CACNA1C: variants seen among roughly 807,000 people sequenced by gnomAD.
CACNA1C encodes voltage-dependent L-type calcium channel subunit alpha-1C.
CACNA1C carries 30 observed loss-of-function variants against 229.0 expected under a neutral mutation model. The observed-to-expected ratio is 0.13, with a 90% CI of 0.10 to 0.18. The LOEUF is 0.18. Among genes scored for constraint, CACNA1C ranks in the 10% least tolerant of loss-of-function variants. The pLI, the probability that CACNA1C is intolerant of heterozygous loss-of-function variation, is 1.00. For synonymous variants in CACNA1C, 1,114 were observed against 1,132.5 expected (o/e 0.98, Z 0.33); for missense variants, 1,658 against 2,845.0 (o/e 0.58, Z 9.49).
rs1050462207 is a variant in CACNA1C at position 2,053,935 on chromosome 12, T to C, written c.49+324T>C. Among the ~76,000 whole-genome samples the C allele has an allele frequency of 1.1e-4, 16 of 149,828 alleles. No individual in the cohort carries two copies. Among genetic ancestry groups the C allele is most frequent in the Non-Finnish European group, 1.8e-4 (12 of 67,250 alleles). ...GCCGCCTCGCTTTCTCGCGTCCGCC[T>C]GGAGAGCCCGGCTGCCTGGCCAGCC... On this transcript the variant is annotated intron_variant, in intron 1 of 46. Transcript: ENST00000399655. This position sits in a 1 kb window ranked among gnomAD's most constrained non-coding sequence, Gnocchi z 5.8.
intron 3 of CACNA1C, among the ~76,000 whole-genome samples, chr12:2,307,174 G>A (rs1252028825): frequency 6.6e-6 from 1 of 152,180 alleles, no homozygotes; most frequent in South Asian, 2.1e-4. Context: ...TGACCTGGAC[G>A]TTAGGTCATT....
intron 1 of CACNA1C, among the ~76,000 whole-genome samples, chr12:1,986,951 G>A (rs2037971012): frequency 6.6e-6 from 1 of 152,114 alleles, no homozygotes. Flanking sequence ...GCTATGGGGG[G>A]TTATGAAACA....
At chr12:2,365,687 C>T (rs1487224051) in intron 3 of CACNA1C, among the ~76,000 whole-genome samples, 4 of 144,286 alleles carry the variant, frequency 2.8e-5, no homozygotes, top group African/African-American at 9.7e-5. Context: ...AAAATCCATG[C>T]TGGTTTTTAA....
At chr12:2,422,377 C>G (rs1393030827) in intron 3 of CACNA1C, among the ~76,000 whole-genome samples, 2 of 152,084 alleles carry the variant, frequency 1.3e-5, no homozygotes, top group Non-Finnish European at 2.9e-5. Flanking sequence ...CCAAGCTGAG[C>G]CTTCGTCCTT....
At chr12:2,391,815 A>G (rs1443086569) in intron 3 of CACNA1C, among the ~76,000 whole-genome samples, 1 of 152,264 alleles carries the variant, frequency 6.6e-6, no homozygotes, top group Admixed American at 6.5e-5. Flanking sequence ...ACTAGCCACT[A>G]ACCAAGTGTG....
intron 3 of CACNA1C, among the ~76,000 whole-genome samples, chr12:2,429,220 G>A (rs1351035908): frequency 1.3e-5 from 2 of 152,050 alleles, no homozygotes; most frequent in Non-Finnish European, 2.9e-5. Flanking sequence ...CAAACTCCAG[G>A]ATGACCTCAT....
At chr12:2,235,407 G>C (rs1020032958) in intron 3 of CACNA1C, among the ~76,000 whole-genome samples, 1 of 152,172 alleles carries the variant, frequency 6.6e-6, no homozygotes, top group East Asian at 1.9e-4. Context: ...ACCCTGATGT[G>C]GCAGGACGAG....
intron 3 of CACNA1C, among the ~76,000 whole-genome samples, chr12:2,129,028 C>T (rs959455992): frequency 4.6e-5 from 7 of 152,182 alleles, no homozygotes; most frequent in Non-Finnish European, 1.0e-4. Context: ...TAAGGTGCTC[C>T]GTGAGTCCCT....
chr12:2,328,977 C>T (rs767434324), intron 3 of CACNA1C, among the ~76,000 whole-genome samples: 1 of 152,148 alleles, frequency 6.6e-6, no homozygotes, highest in Non-Finnish European at 1.5e-5. Flanking sequence ...CTTGTTGTCA[C>T]CCTTGTTCTA....
rs145675982 is a variant in CACNA1C at position 2,090,310 on chromosome 12, CTTTTT to C, written c.50-24893_50-24889del. 4.3e-5 allele frequency among the ~76,000 whole-genome samples: 3 copies of C among 69,198 alleles called. No individual in the cohort carries two copies. The South Asian group carries it at 2.0e-3, about 46-fold the overall frequency. 45.4% of individuals were successfully genotyped at this position (69,198 alleles called of 152,430 possible). On this transcript the variant is annotated intron_variant, in intron 1 of 46. Transcript: ENST00000399655. The stretch of plus-strand genomic sequence containing the variant: ...AATAGTCCATTTTATGGATAGACTA[CTTTTT>C]TTTTTTTTTTTTTTTTTTTTGAGAT...
At chr12:2,058,151 A>T (rs1387773665) in intron 1 of CACNA1C, among the ~76,000 whole-genome samples, 1 of 152,092 alleles carries the variant, frequency 6.6e-6, no homozygotes, top group Admixed American at 6.5e-5. Context: ...TTGTGTGGCA[A>T]GTTCCATGAG....
At chr12:2,171,842 A>G (rs1338328364) in intron 3 of CACNA1C, among the ~76,000 whole-genome samples, 1 of 152,154 alleles carries the variant, frequency 6.6e-6, no homozygotes, top group Non-Finnish European at 1.5e-5. Flanking sequence ...TCCCCGAGGG[A>G]ATTCCACTTG....
intron 3 of CACNA1C, among the ~76,000 whole-genome samples, chr12:2,385,678 T>A (rs1471671133): frequency 6.6e-6 from 1 of 152,224 alleles, no homozygotes; most frequent in Non-Finnish European, 1.5e-5. Context: ...CTGGTAAAAT[T>A]GCTTCTGTTT....
At chr12:2,304,609 C>G (rs1350920452) in intron 3 of CACNA1C, among the ~76,000 whole-genome samples, 1 of 151,864 alleles carries the variant, frequency 6.6e-6, no homozygotes, top group Non-Finnish European at 1.5e-5. Flanking sequence ...CAGCCCCTGC[C>G]TCCTCCTCTC....
rs1313945970 is a variant in CACNA1C at position 2,690,965 on chromosome 12, G to A, written c.6183G>A (p.Gln2061=). 2 of 1,599,204 alleles carry A rather than the reference G, an allele frequency of 1.3e-6. No homozygotes were observed. Among genetic ancestry groups the A allele is most frequent in the Non-Finnish European group, 1.7e-6 (2 of 1,172,738 alleles). Residue 2061 remains glutamine (Q), a synonymous_variant, in exon 47 of 47, where the codon CAG becomes CAA. Coordinates refer to ENST00000399655, the MANE Select transcript of CACNA1C (RefSeq NM_000719.7). ...CCAAGTTCATCGAGGTCACCACCCA[G>A]GAGCTGGCCGACGCCTGCGACATGA... ...QDPKFIEVTT[Q]ELADACDMTI... is the part of the protein sequence containing the mutation.
Position 2,550,027 on chromosome 12 carries a change from G to A in CACNA1C, c.1475G>A (p.Arg492Lys). 6.2e-7 allele frequency: 1 copy of A among 1,602,958 alleles called. No individual in the cohort carries two copies. Among genetic ancestry groups the A allele is most frequent in the Non-Finnish European group, 8.5e-7 (1 of 1,174,500 alleles). The change falls in exon 10 of 47, where the codon AGG (arginine) becomes AAG (lysine). Residue 492 changes from arginine to lysine, a missense_variant. Around this residue, in one of 20 missense-constraint regions of CACNA1C, gnomAD observed 149 missense variants for 194.2 expected, o/e 0.77. Coordinates refer to ENST00000399655, the MANE Select transcript of CACNA1C (RefSeq NM_000719.7). The part of the protein sequence containing the change: ...GDIEGENCGA[R>K]LAHRISKSKF... The stretch of plus-strand genomic sequence containing the variant: ...ATCGAGGGAGAAAACTGCGGGGCCA[G>A]GCTGGCGTGAGTAGGCACGGCGAGC...
intron 13 of CACNA1C, among the ~76,000 whole-genome samples, chr12:2,572,846 C>CTG (rs2056733951): frequency 9.4e-6 from 1 of 106,494 alleles, no homozygotes; most frequent in Non-Finnish European, 2.0e-5. Flanking sequence ...TCTCTTCCTC[C>CTG]TCCTCTTCCT....
chr12:2,122,673 G>C (rs1596443231), intron 3 of CACNA1C, among the ~76,000 whole-genome samples: 1 of 152,206 alleles, frequency 6.6e-6, no homozygotes, highest in Non-Finnish European at 1.5e-5. Context: ...TTTGTCCTGA[G>C]CCCTCTGATT....
chr12:2,126,486 A>T (rs956134245), intron 3 of CACNA1C, among the ~76,000 whole-genome samples: 1 of 152,238 alleles, frequency 6.6e-6, no homozygotes, highest in Admixed American at 6.5e-5. Flanking sequence ...GAAGCCCACG[A>T]AGACTTGGCT....
Sources: gnomAD v4.1 joint callset for allele counts (sites outside exome capture counted in the v4.1 genomes callset) on GRCh38, gnomAD v4.1.1 for gene constraint, gnomAD v4.1.1 regional missense constraint, Gnocchi (gnomAD v3.1) non-coding constraint, MANE v1.5 for transcripts, NCBI Gene and HGNC (gene_info 2026-07-23, HGNC 2026-07-21) for gene names.